Variants in VWDE observed in about 807,000 individuals in gnomAD.
VWDE encodes the protein von Willebrand factor D and EGF domains.
A neutral mutation model predicts 178.4 loss-of-function variants in VWDE; 207 were observed. The ratio of observed to expected loss-of-function variants is 1.16; its 90% confidence interval spans 1.04 to 1.30. The LOEUF (loss-of-function observed/expected upper bound fraction) is 1.30, where lower values mean the gene tolerates loss of function less well. Ranked by LOEUF, VWDE falls within the 50% of genes most tolerant of loss-of-function variation. The pLI is 0.00. For synonymous variants in VWDE, 738 were observed against 651.4 expected (o/e 1.13, Z -2.02); for missense variants, 2,287 against 1,901.3 (o/e 1.20, Z -3.77).
Position 12,343,323 on chromosome 7 carries a change from T to C in VWDE, c.4079-145A>G, listed in dbSNP as rs73294372. 3,639 of 520,110 alleles carry C rather than the reference T, an allele frequency of 7.0e-3. 103 individuals carry two copies. Among genetic ancestry groups the C allele is most frequent in the African/African-American group, 0.064 (3,287 of 51,468 alleles). 32.2% of individuals were successfully genotyped at this position (520,110 alleles called of 1,614,324 possible). ...TCTTTTACTACAAAACTTAGTTCTG[T>C]GGGACTGACTATATTAATTCACACT... On this transcript the variant is annotated intron_variant, in intron 21 of 28. Coordinates refer to ENST00000275358, the MANE Select transcript of VWDE (RefSeq NM_001135924.3).
In VWDE at chr7:12,403,849, C is replaced by T. The variant is rs1785036549; in HGVS notation, c.-133G>A. ...TCTGTTGCTGCTTGGAACAGGGAAGCTCCGCGTCCTCGTTCTGGGGTGCAC... is the reference window on the plus strand; with the variant it reads ...TCTGTTGCTGCTTGGAACAGGGAAGTTCCGCGTCCTCGTTCTGGGGTGCAC... On this transcript the variant is annotated 5_prime_UTR_variant, in exon 1 of 29. Coordinates refer to ENST00000275358, the MANE Select transcript of VWDE (RefSeq NM_001135924.3). 1.1e-6 allele frequency: 1 copy of T among 931,664 alleles called. No individual in the cohort carries two copies. The highest frequency in any genetic ancestry group is 1.6e-6 in the Non-Finnish European group (1 of 616,796). The allele number at this position is 931,664 out of a possible 1,614,324, so 57.7% of individuals were successfully genotyped here.
intron 24 of VWDE, among the ~76,000 whole-genome samples, chr7:12,339,186 A>T (rs1465553025): frequency 6.6e-6 from 1 of 152,168 alleles, no homozygotes; most frequent in Non-Finnish European, 1.5e-5. Flanking sequence ...AAAGCATGGA[A>T]TACGTTCAAT....
At chr7:12,338,178 A>G (rs1046815203) in intron 24 of VWDE, among the ~76,000 whole-genome samples, 1 of 151,972 alleles carries the variant, frequency 6.6e-6, no homozygotes, top group Non-Finnish European at 1.5e-5. Context: ...TTTCAAATGG[A>G]TTTTAAATGG....
Position 12,377,767 on chromosome 7 carries a change from G to C in VWDE, c.1024+9C>G, listed in dbSNP as rs1479510836. 1.4e-6 allele frequency: 2 copies of C among 1,433,444 alleles called. No individual in the cohort carries two copies. The highest frequency in any genetic ancestry group is 1.9e-6 in the Non-Finnish European group (2 of 1,075,316). The allele number at this position is 1,433,444 out of a possible 1,614,324, so 88.8% of individuals were successfully genotyped here. A position where few individuals can be genotyped will look rare whatever the true frequency, so the allele number is the denominator to read the frequency against. On this transcript the variant is annotated intron_variant, in intron 7 of 28. Coordinates refer to ENST00000275358, the MANE Select transcript of VWDE (RefSeq NM_001135924.3). ...CTAATAATAAGATAAAATAAAGTTA[G>C]TATATTACCTTGACCAATAGTTTTC...
chr7:12,375,610 G>A (rs943056758), intron 7 of VWDE, among the ~76,000 whole-genome samples: 1 of 151,732 alleles, frequency 6.6e-6, no homozygotes, highest in East Asian at 1.9e-4. Flanking sequence ...GATTTGTAAC[G>A]TGGGCCCAGA....
At chr7:12,359,826 G>A (rs1229681678) in intron 15 of VWDE, 134 bp from the exon 16 acceptor site, 11 of 545,082 alleles carry the variant, frequency 2.0e-5, no homozygotes, top group Admixed American at 6.4e-5. Context: ...CTTCATAATC[G>A]TAAGTGCATA....
intron 3 of VWDE, among the ~76,000 whole-genome samples, chr7:12,387,371 C>A (rs1784154542): frequency 6.6e-6 from 1 of 151,812 alleles, no homozygotes; most frequent in African/African-American, 2.4e-5. Flanking sequence ...AAAAAATTAA[C>A]CATAGGAGAA....
intron 1 of VWDE, among the ~76,000 whole-genome samples, chr7:12,402,888 T>G (rs1442138744): frequency 6.6e-6 from 1 of 152,102 alleles, no homozygotes; most frequent in African/African-American, 2.4e-5. Flanking sequence ...TTTTTCAAGC[T>G]GCAGATGGTT....
In VWDE at chr7:12,375,203, A is replaced by G; in HGVS notation, c.1049T>C (p.Leu350Ser). 2 of 1,551,064 alleles carry G rather than the reference A, an allele frequency of 1.3e-6. No homozygotes were observed. The highest frequency in any genetic ancestry group is 1.7e-6 in the Non-Finnish European group (2 of 1,146,512). The change falls in exon 8 of 29, where the codon TTG becomes TCG. Residue 350 changes from leucine (L) to serine (S), a missense_variant. Coordinates refer to ENST00000275358, the MANE Select transcript of VWDE (RefSeq NM_001135924.3). ...GQGREHLGLN[L>S]ALSSCHVDLL... The stretch of plus-strand genomic sequence containing the variant: ...GTCCACATGACAGGAAGACAGTGCC[A>G]AATTTAAGCCTAGGTGCTCTCTACC...
chr7:12,380,816 C>T, intron 4 of VWDE, 83 bp from the exon 5 acceptor site: 1 of 1,454,352 alleles, frequency 6.9e-7, no homozygotes, highest in Non-Finnish European at 9.2e-7. Context: ...AAGACTATAA[C>T]TCTGTGGTTT....
chr7:12,397,621 A>G (rs1361272696), intron 1 of VWDE, among the ~76,000 whole-genome samples: 1 of 152,196 alleles, frequency 6.6e-6, no homozygotes, highest in Non-Finnish European at 1.5e-5. Context: ...TCAATAGAGT[A>G]AACAGACAAC....
intron 16 of VWDE, among the ~76,000 whole-genome samples, chr7:12,358,396 C>T (rs1398368016): frequency 6.7e-6 from 1 of 148,674 alleles, no homozygotes; most frequent in African/African-American, 2.5e-5. Context: ...GTGGGGGGGG[C>T]TATTTTAGAG....
chr7:12,369,631 T>G lies in VWDE; in HGVS notation c.2675A>C (p.Asn892Thr), dbSNP rs1326030908. ...GCACTGCCCATTGCCGCTGCATAAA[T>G]TGGGGCATTTTAATACTGAGAGAAT... ...EDILSVLKCP[N>T]LCSGNGQCME... is the part of the protein sequence containing the mutation. The change falls in exon 12 of 29, where the codon AAT becomes ACT. Residue 892 changes from asparagine to threonine, a missense_variant. Physicochemically the swap from Asn to Thr is moderately conservative, Grantham distance 65. Transcript: ENST00000275358. The G allele has an allele frequency of 6.4e-6, 10 of 1,551,434 alleles. No individual in the cohort carries two copies. Among genetic ancestry groups the G allele is most frequent in the Non-Finnish European group, 7.0e-6 (8 of 1,146,846 alleles).
intron 11 of VWDE, 73 bp downstream of exon 11, chr7:12,370,583 A>G: frequency 6.5e-7 from 1 of 1,530,090 alleles, no homozygotes. Context: ...GTTGCAAAAA[A>G]GCAGAGTGTT....
intron 23 of VWDE, among the ~76,000 whole-genome samples, chr7:12,341,489 A>G (rs112705985): frequency 0.019 from 2,835 of 151,980 alleles, 82 homozygotes; most frequent in African/African-American, 0.064. Flanking sequence ...AAAATTAGCT[A>G]GGCATGGTGG....
intron 18 of VWDE, among the ~76,000 whole-genome samples, chr7:12,354,718 G>C (rs957757095): frequency 4.0e-5 from 6 of 151,686 alleles, no homozygotes; most frequent in African/African-American, 1.5e-4. Flanking sequence ...AAGTACATAC[G>C]ATTTTGTTTT....
Position 12,402,337 on chromosome 7 carries a change from T to C in VWDE, c.58+1322A>G, listed in dbSNP as rs77016582. On this transcript the variant is annotated intron_variant, in intron 1 of 28. Coordinates refer to ENST00000275358, the MANE Select transcript of VWDE (RefSeq NM_001135924.3). ...GAGTGATTTGTATGGTATATGAACA[T>C]CTTAATAAAGCTATTTGAAAAAAAG... Among the ~76,000 whole-genome samples, 82 of 152,334 alleles carry C rather than the reference T, an allele frequency of 5.4e-4. 3 individuals carry two copies. In the East Asian group the frequency reaches 0.015, roughly 28 times the overall value.
In VWDE at chr7:12,370,184, C is replaced by G. The variant is rs577705533; in HGVS notation, c.2122G>C (p.Gly708Arg). 6.4e-7 allele frequency: 1 copy of G among 1,551,198 alleles called. No individual in the cohort carries two copies. The highest frequency in any genetic ancestry group is 2.4e-5 in the East Asian group (1 of 40,900). The change falls in exon 12 of 29, where the codon GGC becomes CGC. Residue 708 changes from glycine to arginine, a missense_variant. By Grantham distance (125) the Gly-to-Arg change is moderately radical (BLOSUM62 -2). Transcript: ENST00000275358. ...CCAGGATGTTTTTGTACATTTAAGC[C>G]GAGTTTAGTCAGGTTTATGTGTTTT... ...EKKHINLTKL[G>R]LNVQKHPGNE...
Position 12,342,144 on chromosome 7 carries a change from G to A in VWDE, c.4185C>T (p.Asn1395=), listed in dbSNP as rs1004671794. 6.4e-6 allele frequency: 10 copies of A among 1,551,138 alleles called. No individual in the cohort carries two copies. In the Admixed American group the frequency reaches 1.6e-4, roughly 24 times the overall value. ...VGPRCETMVC[N]RHCENGGQCL... ...ACTGGCCTCCATTTTCACAGTGCCT[G>A]TTACAAACCACTGAGATCATAGAAT... is the stretch of plus-strand genomic sequence containing the variant. The change falls in exon 23 of 29, where the codon AAC becomes AAT. Residue 1395 remains asparagine, a synonymous_variant. Transcript: ENST00000275358.
Sources: allele counts gnomAD v4.1 joint callset (sites outside exome capture counted in the v4.1 genomes callset), GRCh38; gene constraint gnomAD v4.1.1; transcripts MANE v1.5; gene names NCBI Gene and HGNC (gene_info 2026-07-23, HGNC 2026-07-21).